FZD6: variants seen among roughly 807,000 people sequenced by gnomAD.
FZD6 encodes the protein frizzled class receptor 6.
A neutral mutation model predicts 61.4 loss-of-function variants in FZD6; 49 were observed. The observed-to-expected ratio is 0.80, with a 90% confidence interval of 0.63 to 1.01. The LOEUF is 1.01. FZD6 is among the 50% of genes least tolerant of loss of function. FZD6 has a pLI of 0.00. For synonymous variants in FZD6, 265 were observed against 292.2 expected, an observed-to-expected ratio of 0.91 and a Z score of 0.95; for missense variants, 724 against 848.2, an observed-to-expected ratio of 0.85 and a Z score of 1.82.
chr8:103,310,363 G>A (rs1468990966), intron 2 of FZD6, among the ~76,000 whole-genome samples: 1 of 152,126 alleles, frequency 6.6e-6, no homozygotes, highest in Non-Finnish European at 1.5e-5. Context: ...TGGAACTCCT[G>A]GGCTCAAGTG....
intron 3 of FZD6, among the ~76,000 whole-genome samples, chr8:103,320,722 C>T (rs73286017): frequency 0.065 from 9,843 of 151,944 alleles, 423 homozygotes; most frequent in African/African-American, 0.11. Context: ...GGCAGGGTTC[C>T]TTGTGTGACT....
intron 2 of FZD6, among the ~76,000 whole-genome samples, chr8:103,313,691 G>A (rs1028262909): frequency 6.6e-6 from 1 of 151,774 alleles, no homozygotes; most frequent in Non-Finnish European, 1.5e-5. Flanking sequence ...AATTCTTTAA[G>A]TCTATTCATC....
intron 4 of FZD6, 74 bp from the exon 5 acceptor site, chr8:103,328,194 T>C: frequency 8.7e-7 from 1 of 1,145,400 alleles, no homozygotes; most frequent in Non-Finnish European, 1.3e-6. Flanking sequence ...TTTGTTCGTT[T>C]TATATTGACA....
intron 2 of FZD6, among the ~76,000 whole-genome samples, chr8:103,309,255 T>C (rs1425093191): frequency 6.6e-6 from 1 of 152,216 alleles, no homozygotes; most frequent in Non-Finnish European, 1.5e-5. Context: ...ACCACTGCTC[T>C]AAGGCAAGTT....
intron 2 of FZD6, among the ~76,000 whole-genome samples, chr8:103,314,417 TCTC>T (rs1049969938): frequency 6.6e-6 from 1 of 152,126 alleles, no homozygotes; most frequent in Admixed American, 6.6e-5. Context: ...CAGCTCCCCT[TCTC>T]CTACCTCAGG....
Position 103,300,231 on chromosome 8 carries a change from T to A in FZD6, c.124T>A (p.Phe42Ile). 1.2e-6 allele frequency: 2 copies of A among 1,612,572 alleles called. No homozygotes were observed. The highest frequency in any genetic ancestry group is 1.7e-6 in the Non-Finnish European group (2 of 1,178,554). ...GAAAATGGCCTACAACATGACGTTT[T>A]TCCCTAATCTGATGGGTCATTATGA... ...CMKMAYNMTFFPNLMGHYDQS... is the reference protein window; with the variant it reads ...CMKMAYNMTFIPNLMGHYDQS... Residue 42 changes from phenylalanine to isoleucine, a missense_variant, in exon 2 of 7, where the codon TTC becomes ATC. By Grantham distance (21) the Phe-to-Ile change is conservative. Coordinates refer to ENST00000358755, the MANE Select transcript of FZD6 (RefSeq NM_003506.4).
At position 103,306,398 on chromosome 8, in the gene FZD6, A is replaced by G. The variant is rs185017656; in HGVS notation, c.177+6114A>G. 2.8e-3 allele frequency among the ~76,000 whole-genome samples: 423 copies of G among 152,220 alleles called. 3 individuals carry two copies. Among genetic ancestry groups the G allele is most frequent in the African/African-American group, 9.7e-3 (403 of 41,540 alleles). ...AAAGAATTTACTCAAGACTTTTGTA[A>G]CCACTTAAACAGTATTTGCCCAGTG... On this transcript the variant is annotated intron_variant, in intron 2 of 6. Transcript: ENST00000358755.
chr8:103,303,416 T>G (rs1814228351), intron 2 of FZD6, among the ~76,000 whole-genome samples: 1 of 152,192 alleles, frequency 6.6e-6, no homozygotes, highest in African/African-American at 2.4e-5. Context: ...ATCACCCCAC[T>G]CTACACCCTT....
At chr8:103,323,421 A>C (rs1217226454) in intron 3 of FZD6, among the ~76,000 whole-genome samples, 1 of 142,716 alleles carries the variant, frequency 7.0e-6, no homozygotes, top group Non-Finnish European at 1.5e-5. Flanking sequence ...TTCTCATTTA[A>C]AACCTCCAGT....
intron 3 of FZD6, 22 bp from the exon 4 acceptor site, chr8:103,324,455 ATATT>A (rs1306888599): frequency 4.0e-6 from 5 of 1,253,918 alleles, no homozygotes; most frequent in African/African-American, 3.0e-5. Flanking sequence ...TTGATTTCAT[ATATT>A]TAATTTTTAT....
chr8:103,313,204 A>G (rs971896916), intron 2 of FZD6, among the ~76,000 whole-genome samples: 6 of 152,252 alleles, frequency 3.9e-5, no homozygotes, highest in East Asian at 1.9e-4. Context: ...GGAAAATGGT[A>G]TATGAAAAAG....
At chr8:103,328,805 A>G (rs955641171) in intron 5 of FZD6, among the ~76,000 whole-genome samples, 1 of 151,440 alleles carries the variant, frequency 6.6e-6, no homozygotes, top group Non-Finnish European at 1.5e-5. Context: ...ATAAAAGATT[A>G]AGACTTAAGT....
Position 103,331,572 on chromosome 8 carries a change from G to A in FZD6, c.*63G>A. 9 of 1,080,960 alleles carry A rather than the reference G, an allele frequency of 8.3e-6. No homozygotes were observed. The highest frequency in any genetic ancestry group is 1.3e-5 in the Non-Finnish European group (9 of 703,420). The allele number at this position is 1,080,960 out of a possible 1,614,324, so 67.0% of individuals were successfully genotyped here. ...TTACACTGGAAGTGACCTATGCACT[G>A]TTTTGTAAGAATCACTGTTACATTC... On this transcript the variant is annotated 3_prime_UTR_variant, in exon 7 of 7. Transcript: ENST00000358755.
chr8:103,315,139 A>C (rs1814594631), intron 2 of FZD6, among the ~76,000 whole-genome samples: 1 of 152,056 alleles, frequency 6.6e-6, no homozygotes, highest in Admixed American at 6.6e-5. Context: ...GAGTGGAAGG[A>C]GATGCTAATA....
At chr8:103,321,452 A>G (rs556995639) in intron 3 of FZD6, among the ~76,000 whole-genome samples, 11 of 152,288 alleles carry the variant, frequency 7.2e-5, no homozygotes, top group African/African-American at 2.6e-4. Context: ...CATCTTATTT[A>G]CTTTGAAAAC....
intron 2 of FZD6, 98 bp from the exon 3 acceptor site, chr8:103,318,492 G>C: frequency 1.3e-6 from 1 of 750,534 alleles, no homozygotes; most frequent in Non-Finnish European, 2.4e-6. Flanking sequence ...TTCTTTTGCA[G>C]TATAAGTGAA....
chr8:103,305,580 CTGTT>C (rs1293235047), intron 2 of FZD6, among the ~76,000 whole-genome samples: 2 of 152,144 alleles, frequency 1.3e-5, no homozygotes, highest in Non-Finnish European at 2.9e-5. Context: ...TGAGATTAAC[CTGTT>C]TGTTTTTCAG....
intron 2 of FZD6, among the ~76,000 whole-genome samples, chr8:103,316,704 A>G (rs972034616): frequency 6.6e-6 from 1 of 152,018 alleles, no homozygotes; most frequent in African/African-American, 2.4e-5. Flanking sequence ...CTAGCTTCTG[A>G]TATTGTCAAA....
intron 2 of FZD6, among the ~76,000 whole-genome samples, chr8:103,313,437 TC>T (rs1377452991): frequency 1.1e-4 from 16 of 152,200 alleles, no homozygotes; most frequent in Non-Finnish European, 2.2e-4. Context: ...CCAATTGTGA[TC>T]TCTGGAGGTG....
Sources: allele counts gnomAD v4.1 joint callset (sites outside exome capture counted in the v4.1 genomes callset), GRCh38; gene constraint gnomAD v4.1.1; transcripts MANE v1.5; gene names NCBI Gene and HGNC (gene_info 2026-07-23, HGNC 2026-07-21).